Variants in LRRFIP1 observed in about 807,000 individuals in gnomAD.
LRRFIP1 encodes LRR binding FLII interacting protein 1, also known as leucine-rich repeat flightless-interacting protein 1.
A neutral mutation model predicts 104.4 loss-of-function variants in LRRFIP1; 62 were observed. The observed-to-expected ratio is 0.59, with a 90% CI of 0.48 to 0.73. The LOEUF is 0.73. LRRFIP1 is among the 30% of genes least tolerant of loss of function. The pLI, the probability that LRRFIP1 is intolerant of heterozygous loss-of-function variation, is 0.00. For synonymous variants in LRRFIP1, 300 were observed against 299.0 expected (o/e 1.00, Z -0.03); for missense variants, 796 against 824.5 (o/e 0.97, Z 0.42).
rs753325169 is a variant in LRRFIP1 at position 237,760,059 on chromosome 2, C to T, written c.1318-5C>T. 5.0e-6 allele frequency: 8 copies of T among 1,612,058 alleles called. No homozygotes were observed. The South Asian group carries it at 6.6e-5, about 13-fold the overall frequency. ...ATATTACGATGAGCCTATTTTTGTT[C>T]CCAGAAACATGGAATAATCCTAAAT... On this transcript the variant is annotated splice_region_variant and splice_polypyrimidine_tract_variant and intron_variant, in intron 18 of 23. Transcript: ENST00000308482.
chr2:237,751,530 TA>T (rs1293144155), intron 14 of LRRFIP1, among the ~76,000 whole-genome samples: 5 of 152,208 alleles, frequency 3.3e-5, no homozygotes, highest in African/African-American at 1.2e-4. Context: ...GCCTTAGACT[TA>T]CCATCCTTCC....
At chr2:237,716,002 G>C (rs753803417) in intron 3 of LRRFIP1, among the ~76,000 whole-genome samples, 1 of 152,202 alleles carries the variant, frequency 6.6e-6, no homozygotes, top group African/African-American at 2.4e-5. Context: ...CATGAAAAGA[G>C]CAAGTTAGAG....
intron 1 of LRRFIP1, among the ~76,000 whole-genome samples, chr2:237,706,126 A>C (rs965651321): frequency 2.0e-5 from 3 of 152,190 alleles, no homozygotes; most frequent in Admixed American, 2.0e-4. Flanking sequence ...GGAGAGGGGT[A>C]TGCAGGGCAG....
chr2:237,776,378 G>A (rs545619676), intron 23 of LRRFIP1, among the ~76,000 whole-genome samples: 2 of 152,194 alleles, frequency 1.3e-5, no homozygotes, highest in Non-Finnish European at 2.9e-5. Flanking sequence ...TTTTGTAAAT[G>A]TCTCCAATGT....
chr2:237,692,191 C>A (rs946844019), intron 1 of LRRFIP1: 3 of 1,048,048 alleles, frequency 2.9e-6, no homozygotes, highest in African/African-American at 3.4e-5. Context: ...GCGCCCGAGT[C>A]CCGCTTCCCC....
intron 1 of LRRFIP1, among the ~76,000 whole-genome samples, chr2:237,689,322 G>A (rs1003123302): frequency 1.3e-5 from 2 of 152,146 alleles, no homozygotes; most frequent in Admixed American, 1.3e-4. Flanking sequence ...TATAGACTTT[G>A]CTCTTGAGCT....
Position 237,748,534 on chromosome 2 carries a change from T to A in LRRFIP1, c.669+135T>A, listed in dbSNP as rs573638126. 4 of 754,134 alleles carry A rather than the reference T, an allele frequency of 5.3e-6. No individual in the cohort carries two copies. In the East Asian group the frequency reaches 7.6e-5, roughly 14 times the overall value. The allele number at this position is 754,134 out of a possible 1,614,324, so 46.7% of individuals were successfully genotyped here. On this transcript the variant is annotated intron_variant, in intron 12 of 23. Transcript: ENST00000308482. The stretch of plus-strand genomic sequence containing the variant: ...GGACTAGAAAGCGGCCCACCTAACC[T>A]GGTATCACCTTCCCGGAGGTAGGCC...
intron 1 of LRRFIP1, among the ~76,000 whole-genome samples, chr2:237,659,822 A>G (rs1377467938): frequency 2.6e-5 from 4 of 151,780 alleles, no homozygotes; most frequent in Non-Finnish European, 5.9e-5. Flanking sequence ...CCTTTTTTGT[A>G]GAGATGGGGT....
intron 1 of LRRFIP1, among the ~76,000 whole-genome samples, chr2:237,670,710 C>T (rs59984508): frequency 0.018 from 2,799 of 152,324 alleles, 66 homozygotes; most frequent in African/African-American, 0.049. Flanking sequence ...CCTGCCTGGG[C>T]CCAGCTCTGG....
chr2:237,741,818 G>T (rs1445717033), intron 11 of LRRFIP1, among the ~76,000 whole-genome samples: 2 of 151,102 alleles, frequency 1.3e-5, no homozygotes, highest in Non-Finnish European at 2.9e-5. Flanking sequence ...ACAAGGCAAG[G>T]CTCCGTCTAA....
intron 11 of LRRFIP1, among the ~76,000 whole-genome samples, chr2:237,744,278 G>A (rs1446363781): frequency 1.3e-5 from 2 of 152,202 alleles, no homozygotes; most frequent in African/African-American, 4.8e-5. Flanking sequence ...GTTTGTTTGT[G>A]TCTCAAGAAG....
intron 1 of LRRFIP1, among the ~76,000 whole-genome samples, chr2:237,706,941 G>A (rs1559611324): frequency 6.6e-6 from 1 of 152,132 alleles, no homozygotes; most frequent in Non-Finnish European, 1.5e-5. Flanking sequence ...GCCCCAAGAG[G>A]CCCTTCACAC....
chr2:237,679,499 A>T (rs2091556526), intron 1 of LRRFIP1, among the ~76,000 whole-genome samples: 1 of 152,068 alleles, frequency 6.6e-6, no homozygotes, highest in South Asian at 2.1e-4. Context: ...ATTTGTAAAT[A>T]CTTGCGGATT....
At chr2:237,749,053 G>T in intron 12 of LRRFIP1, 146 bp from the exon 13 acceptor site, 1 of 737,230 alleles carries the variant, frequency 1.4e-6, no homozygotes, top group Non-Finnish European at 2.1e-6. Flanking sequence ...AGAACAGCAT[G>T]GGGGAAACTG....
rs905371682 is a variant in LRRFIP1 at position 237,671,931 on chromosome 2, C to T, written c.97-36613C>T. Among the ~76,000 whole-genome samples the T allele has an allele frequency of 4.0e-5, 6 of 150,506 alleles. No homozygotes were observed. The East Asian group carries it at 9.7e-4, about 24-fold the overall frequency. ...CATTTAACTGCTGTAACTAACCCGT[C>T]TGGCAACATCTTTTCTTAATGCTTT... On this transcript the variant is annotated intron_variant, in intron 1 of 23. Coordinates refer to ENST00000308482, the MANE Select transcript of LRRFIP1 (RefSeq NM_001137550.2).
rs2085628015 is a variant in LRRFIP1, at chr2:237,649,864, A to T, written c.96+22124A>T. On this transcript the variant is annotated intron_variant, in intron 1 of 23. Transcript: ENST00000308482. This position sits in a 1 kb window ranked among gnomAD's most constrained non-coding sequence, Gnocchi z 4.1. ...GATTCAACAAAAAAAAAAATTGATT[A>T]CCCCCCGGCATGTCCTAATATACTG... Among the ~76,000 whole-genome samples, 1 of 151,186 alleles carries T rather than the reference A, an allele frequency of 6.6e-6. No homozygotes were observed.
rs573110887 is a variant in LRRFIP1 at position 237,654,076 on chromosome 2, C to T, written c.96+26336C>T. On this transcript the variant is annotated intron_variant, in intron 1 of 23. Transcript: ENST00000308482. ...CAGAGTAAAATGACAAACTAACCTA[C>T]GGAATGGGAGAAAATATTTGTAAAC... 3.9e-5 allele frequency among the ~76,000 whole-genome samples: 6 copies of T among 152,218 alleles called. No individual in the cohort carries two copies. In the East Asian group the frequency reaches 7.7e-4, roughly 20 times the overall value.
At chr2:237,652,332 G>T (rs995308478) in intron 1 of LRRFIP1, among the ~76,000 whole-genome samples, 5 of 152,212 alleles carry the variant, frequency 3.3e-5, no homozygotes, top group African/African-American at 1.2e-4. Context: ...AACACGGCTG[G>T]ATGAGATCAC....
intron 1 of LRRFIP1, among the ~76,000 whole-genome samples, chr2:237,673,549 G>C (rs1442161965): frequency 6.6e-6 from 1 of 152,232 alleles, no homozygotes; most frequent in Non-Finnish European, 1.5e-5. Context: ...CTGGGTGTGC[G>C]GTTGTCTGAC....
Sources: gnomAD v4.1 joint callset for allele counts (sites outside exome capture counted in the v4.1 genomes callset) on GRCh38, gnomAD v4.1.1 for gene constraint, Gnocchi (gnomAD v3.1) non-coding constraint, MANE v1.5 for transcripts, NCBI Gene and HGNC (gene_info 2026-07-23, HGNC 2026-07-21) for gene names.